ADAMTSL1: variants seen among roughly 807,000 people sequenced by gnomAD.
ADAMTSL1 encodes the protein ADAMTS-like protein 1.
In ADAMTSL1, 126 loss-of-function variants were observed where a neutral mutation model predicts 201.8. The ratio of observed to expected loss-of-function variants is 0.62; its 90% confidence interval spans 0.54 to 0.72. The LOEUF is 0.72. Ranked by LOEUF, ADAMTSL1 falls within the 30% of genes least tolerant of loss-of-function variation. The pLI, the probability that ADAMTSL1 is intolerant of heterozygous loss-of-function variation, is 0.00. For missense variants in ADAMTSL1, 2,679 were observed against 2,277.8 expected, an observed-to-expected ratio of 1.18 and a Z score of -3.59; for synonymous variants, 1,121 against 903.4, an observed-to-expected ratio of 1.24 and a Z score of -4.32.
intron 2 of ADAMTSL1, among the ~76,000 whole-genome samples, chr9:18,366,220 T>C (rs10810960): frequency 0.11 from 17,421 of 152,000 alleles, 1,164 homozygotes; most frequent in East Asian, 0.25. Flanking sequence ...CATAAACCCA[T>C]ATGAATTTAT....
At chr9:18,349,999 G>C (rs1330237759) in intron 2 of ADAMTSL1, among the ~76,000 whole-genome samples, 2 of 150,890 alleles carry the variant, frequency 1.3e-5, no homozygotes, top group Non-Finnish European at 3.0e-5. Context: ...ACACAAAAAA[G>C]CACAATGTGT....
intron 2 of ADAMTSL1, among the ~76,000 whole-genome samples, chr9:18,523,285 G>A (rs1458409278): frequency 6.6e-6 from 1 of 152,090 alleles, no homozygotes; most frequent in Non-Finnish European, 1.5e-5. Context: ...TTTTGATGGG[G>A]TTTTTTGTTT....
In ADAMTSL1 at chr9:18,160,565, G is replaced by T. The variant is rs77332202; in HGVS notation, c.88-3297G>T. Among the ~76,000 whole-genome samples, 3 of 151,982 alleles carry T rather than the reference G, an allele frequency of 2.0e-5. No homozygotes were observed. In the East Asian group the frequency reaches 5.8e-4, roughly 30 times the overall value. ...TACGCTAAGTACCTTAAAACTGCAAGGTGTTTTTTTACATATCAAATGTAA... is the reference window on the plus strand; with the variant it reads ...TACGCTAAGTACCTTAAAACTGCAATGTGTTTTTTTACATATCAAATGTAA... On this transcript the variant is annotated intron_variant, in intron 1 of 29. Coordinates refer to the ADAMTSL1 transcript ENST00000680146.
At chr9:18,689,712 C>T (rs1027942649) in intron 13 of ADAMTSL1, among the ~76,000 whole-genome samples, 2 of 152,128 alleles carry the variant, frequency 1.3e-5, no homozygotes, top group Admixed American at 1.3e-4. Context: ...ATGGGATATG[C>T]CAGTTGCTTT....
At chr9:18,869,541 A>T (rs1418525915) in intron 23 of ADAMTSL1, among the ~76,000 whole-genome samples, 5 of 152,234 alleles carry the variant, frequency 3.3e-5, no homozygotes, top group African/African-American at 1.2e-4. Flanking sequence ...ACCTCATCAT[A>T]GCTGGAAGCA....
intron 1 of ADAMTSL1, among the ~76,000 whole-genome samples, chr9:18,494,220 G>A (rs1301288232): frequency 1.3e-5 from 2 of 152,158 alleles, no homozygotes; most frequent in East Asian, 1.9e-4. Flanking sequence ...CCCGGGCATG[G>A]TGGCGGGTGC....
At chr9:18,589,409 T>A (rs1216240265) in intron 4 of ADAMTSL1, among the ~76,000 whole-genome samples, 1 of 152,222 alleles carries the variant, frequency 6.6e-6, no homozygotes, top group Admixed American at 6.5e-5. Flanking sequence ...ACTATGGATT[T>A]TTGTATGTTG....
rs149995115 is a variant in ADAMTSL1, at chr9:18,635,979, G to T, written c.638G>T (p.Arg213Ile). 1.1e-5 allele frequency: 17 copies of T among 1,601,738 alleles called. No homozygotes were observed. The African/African-American group carries it at 2.2e-4, about 20-fold the overall frequency. ...DTVVAIPYGS[R>I]HIRLVLKGPD... ...GTGGTTGCAATTCCCTATGGAAGTAGACATATTCGCCTTGTCTTAAAAGGT... is the reference window on the plus strand; with the variant it reads ...GTGGTTGCAATTCCCTATGGAAGTATACATATTCGCCTTGTCTTAAAAGGT... The change falls in exon 6 of 29, where the codon AGA becomes ATA. Residue 213 changes from arginine to isoleucine, a missense_variant. Arg to Ile is a moderately conservative substitution (Grantham distance 97). Coordinates refer to ENST00000380548, the MANE Select transcript of ADAMTSL1 (RefSeq NM_001040272.6).
chr9:18,706,880 C>A lies in ADAMTSL1; in HGVS notation c.1708C>A (p.Pro570Thr), dbSNP rs772309105. Residue 570 changes from proline (P) to threonine (T), a missense_variant, in exon 14 of 29, where the codon CCC (proline) becomes ACC (threonine). Physicochemically the swap from Pro to Thr is conservative, Grantham distance 38 (BLOSUM62 -1). Coordinates refer to ENST00000380548, the MANE Select transcript of ADAMTSL1 (RefSeq NM_001040272.6). ...ADLPIDECEG[P>T]KPASQRACYA... ...CCTGCCTATTGACGAGTGTGAAGGG[C>A]CCAAGCCAGCATCCCAGCGTGCCTG... 5.0e-6 allele frequency: 8 copies of A among 1,613,692 alleles called. No individual in the cohort carries two copies. The South Asian group carries it at 5.5e-5, about 11-fold the overall frequency.
chr9:18,801,399 A>C lies in ADAMTSL1; in HGVS notation c.3805+5875A>C, dbSNP rs557267782. On this transcript the variant is annotated intron_variant, in intron 20 of 28. Coordinates refer to ENST00000380548, the MANE Select transcript of ADAMTSL1 (RefSeq NM_001040272.6). ...TTACCTTTTTTGAACTTTTAGGTTC[A>C]GGGGTTGAATCTCCAGGTTTTTTAT... 2.0e-5 allele frequency among the ~76,000 whole-genome samples: 3 copies of C among 152,290 alleles called. No individual in the cohort carries two copies. In the East Asian group the frequency reaches 5.8e-4, roughly 29 times the overall value.
chr9:18,673,945 TTTA>T (rs1829978139), intron 9 of ADAMTSL1, among the ~76,000 whole-genome samples: 1 of 152,034 alleles, frequency 6.6e-6, no homozygotes, highest in African/African-American at 2.4e-5. Flanking sequence ...AAAAATTCCC[TTTA>T]TTACTAGATG....
intron 1 of ADAMTSL1, among the ~76,000 whole-genome samples, chr9:17,974,213 C>T (rs550706356): frequency 2.6e-5 from 4 of 152,054 alleles, no homozygotes; most frequent in African/African-American, 9.6e-5. Context: ...TCTCACCACT[C>T]CTATTCAACA....
intron 23 of ADAMTSL1, among the ~76,000 whole-genome samples, chr9:18,872,276 T>C (rs956731489): frequency 1.3e-5 from 2 of 152,214 alleles, no homozygotes; most frequent in Admixed American, 6.5e-5. Context: ...TGAAAGCAGC[T>C]ACCATCACTA....
chr9:18,452,654 C>T (rs1820454777), intron 2 of ADAMTSL1, among the ~76,000 whole-genome samples: 2 of 152,186 alleles, frequency 1.3e-5, no homozygotes, highest in South Asian at 4.1e-4. Flanking sequence ...GATAGACATT[C>T]CCATTATAAA....
chr9:18,045,227 G>A (rs1399645805), intron 1 of ADAMTSL1, among the ~76,000 whole-genome samples: 1 of 152,104 alleles, frequency 6.6e-6, no homozygotes, highest in South Asian at 2.1e-4. Context: ...CAGAAAGTAG[G>A]ATTATATCAC....
intron 2 of ADAMTSL1, among the ~76,000 whole-genome samples, chr9:18,226,624 A>G (rs1344607517): frequency 6.6e-6 from 1 of 152,040 alleles, no homozygotes; most frequent in African/African-American, 2.4e-5. Flanking sequence ...ATAAGTCTTC[A>G]CCTGCCCTCT....
intron 2 of ADAMTSL1, among the ~76,000 whole-genome samples, chr9:18,454,532 A>T (rs146299009): frequency 1.3e-3 from 193 of 152,262 alleles, no homozygotes; most frequent in African/African-American, 4.5e-3. Flanking sequence ...CATCACAGAG[A>T]CCAATGACTT....
chr9:18,751,001 CT>C (rs1564202774), intron 15 of ADAMTSL1, among the ~76,000 whole-genome samples: 1 of 152,144 alleles, frequency 6.6e-6, no homozygotes, highest in East Asian at 1.9e-4. Context: ...AAGCATTATC[CT>C]TTTTGTGACC....
At chr9:17,908,073 A>G (rs1457489185) in intron 1 of ADAMTSL1, among the ~76,000 whole-genome samples, 2 of 152,186 alleles carry the variant, frequency 1.3e-5, no homozygotes, top group Non-Finnish European at 2.9e-5. Context: ...GTGCACTTCT[A>G]GAGGCTGAGA....
Sources: gnomAD v4.1 joint callset for allele counts (sites outside exome capture counted in the v4.1 genomes callset) on GRCh38, gnomAD v4.1.1 for gene constraint, MANE v1.5 for transcripts, NCBI Gene and HGNC (gene_info 2026-07-23, HGNC 2026-07-21) for gene names.